FSIP2: variants seen among roughly 807,000 people sequenced by gnomAD.
FSIP2 encodes the protein fibrous sheath interacting protein 2.
Under a neutral mutation model 510.5 loss-of-function variants are expected in FSIP2, and 367 were observed. The observed-to-expected ratio is 0.72, with a 90% CI of 0.66 to 0.78. The LOEUF (loss-of-function observed/expected upper bound fraction) is 0.78. Among genes scored for constraint, FSIP2 ranks in the 30% least tolerant of loss-of-function variants. FSIP2 has a pLI of 0.00. For synonymous variants in FSIP2, 2,601 were observed against 2,732.2 expected (o/e 0.95, Z 1.50); for missense variants, 7,594 against 7,901.7 (o/e 0.96, Z 1.48).
intron 2 of FSIP2, among the ~76,000 whole-genome samples, chr2:185,740,812 C>G (rs1052954843): frequency 2.0e-5 from 3 of 151,990 alleles, no homozygotes; most frequent in African/African-American, 7.3e-5. Flanking sequence ...GAGGACTCCA[C>G]CCTCATGACT....
chr2:185,760,497 ATATT>A (rs1177053151), intron 9 of FSIP2, among the ~76,000 whole-genome samples: 5 of 147,256 alleles, frequency 3.4e-5, no homozygotes, highest in Non-Finnish European at 6.0e-5. Context: ...AATAAAATTT[ATATT>A]TATTATAATA....
At chr2:185,832,919 C>A (rs772608177) in intron 22 of FSIP2, among the ~76,000 whole-genome samples, 171 bp from the exon 23 acceptor site, 1 of 151,908 alleles carries the variant, frequency 6.6e-6, no homozygotes, top group East Asian at 1.9e-4. Context: ...ACTTTGTATA[C>A]GTGACTAAAG....
At chr2:185,782,940 A>T (rs750717392) in intron 14 of FSIP2, among the ~76,000 whole-genome samples, 178 bp downstream of exon 14, 7 of 152,160 alleles carry the variant, frequency 4.6e-5, no homozygotes, top group Non-Finnish European at 8.8e-5. Flanking sequence ...AAAGTGAATC[A>T]TTGTCCTTTC....
chr2:185,751,063 T>G (rs1424374900), intron 7 of FSIP2, among the ~76,000 whole-genome samples: 2 of 151,524 alleles, frequency 1.3e-5, no homozygotes, highest in Non-Finnish European at 3.0e-5. Flanking sequence ...TCTACTGTTG[T>G]TGGGTGAAGT....
intron 7 of FSIP2, among the ~76,000 whole-genome samples, chr2:185,748,148 G>A (rs1361023628): frequency 1.3e-5 from 2 of 151,868 alleles, no homozygotes; most frequent in Non-Finnish European, 2.9e-5. Context: ...AATATTGAAA[G>A]TTTAAATATG....
chr2:185,749,496 G>A (rs886924763), intron 7 of FSIP2, among the ~76,000 whole-genome samples: 1 of 151,830 alleles, frequency 6.6e-6, no homozygotes, highest in Non-Finnish European at 1.5e-5. Flanking sequence ...TTCATCTTGT[G>A]TCTTGCATTG....
chr2:185,752,275 TG>T (rs1459838295), intron 7 of FSIP2, among the ~76,000 whole-genome samples: 3 of 151,162 alleles, frequency 2.0e-5, no homozygotes, highest in African/African-American at 7.3e-5. Context: ...TTCTCTACAT[TG>T]ATTCCAAGAA....
intron 13 of FSIP2, 57 bp downstream of exon 13, chr2:185,764,622 G>A (rs1986166): frequency 0.54 from 618,110 of 1,149,414 alleles, 169,005 homozygotes; most frequent in South Asian, 0.64. Context: ...TCTTTCAACT[G>A]ACATTTACTG....
rs1380140013 is a variant in FSIP2, at chr2:185,756,273, C to T, written c.1073C>T (p.Thr358Ile). 2 of 1,185,516 alleles carry T rather than the reference C, an allele frequency of 1.7e-6. No homozygotes were observed. The highest frequency in any genetic ancestry group is 1.5e-5 in the African/African-American group (1 of 64,832). 73.4% of individuals were successfully genotyped at this position (1,185,516 alleles called of 1,614,324 possible). ...PAGDQNTYKE[T>I]HGHTANAAHQ... The stretch of plus-strand genomic sequence containing the variant: ...GGAGACCAGAATACATATAAAGAAA[C>T]ACATGGTAATTGAATATTGTGACAA... Residue 358 changes from threonine to isoleucine, a missense_variant, in exon 9 of 23, where the codon ACA (threonine) becomes ATA (isoleucine). Thr to Ile is a moderately conservative substitution (Grantham distance 89). Transcript: ENST00000424728.
chr2:185,782,202 A>G (rs34062203), intron 13 of FSIP2, among the ~76,000 whole-genome samples: 3,286 of 152,326 alleles, frequency 0.022, 99 homozygotes, highest in African/African-American at 0.069. Flanking sequence ...AATCAGGTGT[A>G]CACAAGAGTA....
intron 9 of FSIP2, among the ~76,000 whole-genome samples, chr2:185,757,280 T>A (rs1193205014): frequency 6.6e-6 from 1 of 151,492 alleles, no homozygotes; most frequent in Non-Finnish European, 1.5e-5. Flanking sequence ...CAGGAAAGGA[T>A]GGTCAATGGA....
chr2:185,782,107 A>C (rs1341610661), intron 13 of FSIP2, among the ~76,000 whole-genome samples: 2 of 152,202 alleles, frequency 1.3e-5, no homozygotes, highest in Non-Finnish European at 2.9e-5. Flanking sequence ...AAGTGCTGGG[A>C]TTACAGGCAA....
chr2:185,826,727 G>C (rs1039275142), intron 20 of FSIP2, among the ~76,000 whole-genome samples: 1 of 151,800 alleles, frequency 6.6e-6, no homozygotes, highest in African/African-American at 2.4e-5. Context: ...TTTGTTTATA[G>C]TAGATACAGG....
intron 13 of FSIP2, among the ~76,000 whole-genome samples, chr2:185,778,861 T>C (rs1392197218): frequency 6.6e-6 from 1 of 152,086 alleles, no homozygotes; most frequent in Non-Finnish European, 1.5e-5. Flanking sequence ...ATAATGATAG[T>C]GGGCTTGCAA....
chr2:185,803,952 A>C lies in FSIP2; in HGVS notation c.14646A>C (p.Lys4882Asn), dbSNP rs1173055683. The change falls in exon 17 of 23, where the codon AAA (lysine) becomes AAC (asparagine). Residue 4882 changes from lysine (K) to asparagine (N), a missense_variant. Coordinates refer to ENST00000424728, the MANE Select transcript of FSIP2 (RefSeq NM_173651.4). ...CAAATATATACCAGTCCATTACAAAAGATAAAAAGAGCATAAGTGACATAC... is the reference window on the plus strand; with the variant it reads ...CAAATATATACCAGTCCATTACAAACGATAAAAAGAGCATAAGTGACATAC... Reference protein sequence around the residue: ...SHSNIYQSITKDKKSISDIPV... With the variant: ...SHSNIYQSITNDKKSISDIPV... The C allele has an allele frequency of 2.7e-6, 4 of 1,508,944 alleles. No homozygotes were observed. Among genetic ancestry groups the C allele is most frequent in the African/African-American group, 2.8e-5 (2 of 71,820 alleles). The allele number at this position is 1,508,944 out of a possible 1,614,324, so 93.5% of individuals were successfully genotyped here. A position where few individuals can be genotyped will look rare whatever the true frequency, so the allele number is the denominator to read the frequency against.
intron 14 of FSIP2, among the ~76,000 whole-genome samples, chr2:185,784,560 G>A (rs906165755): frequency 1.3e-5 from 2 of 151,970 alleles, no homozygotes; most frequent in Non-Finnish European, 2.9e-5. Flanking sequence ...CTTTAAATAG[G>A]AATTTATTTA....
chr2:185,814,302 A>G (rs143792794), intron 18 of FSIP2, among the ~76,000 whole-genome samples: 572 of 152,166 alleles, frequency 3.8e-3, no homozygotes, highest in African/African-American at 0.012. Context: ...GAAAAATGTA[A>G]GCTAATTATT....
Position 185,796,143 on chromosome 2 carries a change from T to C in FSIP2, c.9007T>C (p.Phe3003Leu), listed in dbSNP as rs143986142. Residue 3003 changes from phenylalanine (F) to leucine (L), a missense_variant, in exon 16 of 23, where the codon TTT becomes CTT. Physicochemically the swap from Phe to Leu is conservative, Grantham distance 22. Coordinates refer to ENST00000424728, the MANE Select transcript of FSIP2 (RefSeq NM_173651.4). ...AACGGTTTTAAACATGTTAGAGTCA[T>C]TTGTGGACTTGCAGTTTAAACATAT... is the stretch of plus-strand genomic sequence containing the variant. ...VETVLNMLES[F>L]VDLQFKHISK... is the part of the protein sequence containing the mutation. 7.1e-4 allele frequency: 1,089 copies of C among 1,534,320 alleles called. 2 individuals are homozygous for C. The highest frequency in any genetic ancestry group is 9.2e-4 in the Non-Finnish European group (1,057 of 1,145,800).
intron 3 of FSIP2, 71 bp downstream of exon 3, chr2:185,743,365 C>A: frequency 3.0e-6 from 3 of 1,006,888 alleles, no homozygotes; most frequent in Non-Finnish European, 4.1e-6. Context: ...TGTTTCTGTA[C>A]CTCACTCGGG....
Sources: allele counts gnomAD v4.1 joint callset (sites outside exome capture counted in the v4.1 genomes callset), GRCh38; gene constraint gnomAD v4.1.1; transcripts MANE v1.5; gene names NCBI Gene and HGNC (gene_info 2026-07-23, HGNC 2026-07-21).